The following GRB10 variants were observed in gnomAD, a reference collection of about 807,000 sequenced individuals.
The protein encoded by GRB10 is growth factor receptor bound protein 10.
GRB10 carries 20 observed loss-of-function variants against 80.9 expected under a neutral mutation model. That is an observed-to-expected ratio of 0.25 (90% CI 0.17 to 0.36). The LOEUF is 0.36. Among genes scored for constraint, GRB10 ranks in the 10% least tolerant of loss-of-function variants. GRB10 has a pLI of 1.00. For missense variants in GRB10, 548 were observed against 747.7 expected (o/e 0.73, Z 3.12); for synonymous variants, 291 against 291.5 (o/e 1.00, Z 0.02).
chr7:50,713,283 C>A (rs1210043217), intron 4 of GRB10, among the ~76,000 whole-genome samples: 2 of 152,094 alleles, frequency 1.3e-5, no homozygotes, highest in East Asian at 1.9e-4. Flanking sequence ...TCCTCCTCTG[C>A]GGTCACTACC....
intron 2 of GRB10, among the ~76,000 whole-genome samples, chr7:50,763,840 G>A (rs915456918): frequency 6.6e-6 from 1 of 152,214 alleles, no homozygotes; most frequent in Non-Finnish European, 1.5e-5. Flanking sequence ...CAGCTGCCCT[G>A]TCTCTAAGCA....
At chr7:50,785,735 G>A (rs2078666625), upstream of GRB10, among the ~76,000 whole-genome samples, 1 of 152,244 alleles carries the variant, frequency 6.6e-6, no homozygotes, top group Non-Finnish European at 1.5e-5. Context: ...AGCACAGAAG[G>A]CTTTGCCATA....
chr7:50,604,493 G>A, intron 15 of GRB10, 116 bp from the exon 16 acceptor site: 1 of 864,300 alleles, frequency 1.2e-6, no homozygotes, highest in Non-Finnish European at 2.0e-6. Context: ...GCTCACAAGG[G>A]ACCTTGCCCC....
chr7:50,656,557 C>T (rs546235029), intron 7 of GRB10, among the ~76,000 whole-genome samples: 4 of 152,190 alleles, frequency 2.6e-5, no homozygotes, highest in East Asian at 1.9e-4. Context: ...GAAATAGCCA[C>T]GGAAAAGCCA....
chr7:50,627,575 C>T (rs1764734134), intron 7 of GRB10, among the ~76,000 whole-genome samples: 1 of 152,098 alleles, frequency 6.6e-6, no homozygotes, highest in Admixed American at 6.5e-5. Flanking sequence ...TTCTTTAGCC[C>T]CTAACCCCTA....
intron 5 of GRB10, among the ~76,000 whole-genome samples, chr7:50,678,442 C>T (rs375129972): frequency 5.3e-5 from 8 of 152,294 alleles, no homozygotes; most frequent in Middle Eastern, 3.4e-3. Flanking sequence ...AGAGCCATTA[C>T]AGCAAAAATA....
At chr7:50,647,936 T>C (rs561684363) in intron 7 of GRB10, among the ~76,000 whole-genome samples, 4 of 152,150 alleles carry the variant, frequency 2.6e-5, no homozygotes, top group East Asian at 3.9e-4. Flanking sequence ...GGTATCATGT[T>C]TGGAGGGAAG....
intron 3 of GRB10, among the ~76,000 whole-genome samples, chr7:50,754,064 C>T (rs1020661278): frequency 1.3e-5 from 2 of 152,202 alleles, no homozygotes; most frequent in South Asian, 4.1e-4. Flanking sequence ...AAGGGGCAGA[C>T]GGGTCCAAGG....
Position 50,590,848 on chromosome 7 carries a change from G to C in GRB10, c.*2104C>G, listed in dbSNP as rs984605531. ...TCAAACCAGCTACATACAAAACTGT[G>C]AATCAGAGTCAAGCTTTTGTTCTCC... On this transcript the variant is annotated 3_prime_UTR_variant, in exon 19 of 19. Transcript: ENST00000401949. 10 of 152,214 alleles carry C rather than the reference G, an allele frequency of 6.6e-5. No homozygotes were observed. Among genetic ancestry groups the C allele is most frequent in the African/African-American group, 1.7e-4 (7 of 41,448 alleles). 9.4% of individuals were successfully genotyped at this position (152,214 alleles called of 1,614,324 possible).
intron 4 of GRB10, among the ~76,000 whole-genome samples, chr7:50,722,925 A>G: frequency 6.6e-6 from 1 of 152,044 alleles, no homozygotes; most frequent in South Asian, 2.1e-4. Flanking sequence ...CACCCCTCAT[A>G]CTGCACAAGC....
chr7:50,724,242 T>C (rs1021228735), intron 4 of GRB10, among the ~76,000 whole-genome samples: 4 of 152,226 alleles, frequency 2.6e-5, no homozygotes, highest in Admixed American at 2.6e-4. Context: ...CCAAGACTAG[T>C]GCTTCAGGAG....
At chr7:50,791,624 G>A (rs1276969136) in intron 1 of GRB10, among the ~76,000 whole-genome samples, 2 of 152,226 alleles carry the variant, frequency 1.3e-5, no homozygotes, top group African/African-American at 2.4e-5. Context: ...TGTAAACTGT[G>A]AAATGCTACA....
chr7:50,642,850 A>G (rs2056522154), intron 7 of GRB10, among the ~76,000 whole-genome samples: 1 of 152,226 alleles, frequency 6.6e-6, no homozygotes, highest in Admixed American at 6.5e-5. Flanking sequence ...AATAAGGAAC[A>G]AAAAATAATA....
chr7:50,763,807 T>TG (rs1176825455), intron 2 of GRB10, among the ~76,000 whole-genome samples: 13 of 152,340 alleles, frequency 8.5e-5, no homozygotes, highest in Admixed American at 8.5e-4. Context: ...TCCAGGCCTC[T>TG]GCCCCTCATC....
intron 7 of GRB10, among the ~76,000 whole-genome samples, chr7:50,658,028 G>T (rs1302861265): frequency 6.6e-6 from 1 of 152,248 alleles, no homozygotes; most frequent in Non-Finnish European, 1.5e-5. Context: ...CAGTGGCCTA[G>T]ATGGCCCATC....
At chr7:50,630,330 A>G (rs1387517412) in intron 7 of GRB10, among the ~76,000 whole-genome samples, 1 of 152,140 alleles carries the variant, frequency 6.6e-6, no homozygotes, top group Non-Finnish European at 1.5e-5. Context: ...TGAGCTATCC[A>G]GCCTCTCTGT....
intron 3 of GRB10, among the ~76,000 whole-genome samples, chr7:50,752,923 C>G (rs891284963): frequency 6.6e-6 from 1 of 152,204 alleles, no homozygotes; most frequent in African/African-American, 2.4e-5. Flanking sequence ...CTGAGGGAAA[C>G]GCTCAGAGGT....
chr7:50,770,439 C>T (rs59447685), intron 2 of GRB10, among the ~76,000 whole-genome samples: 8,293 of 152,194 alleles, frequency 0.054, 753 homozygotes, highest in African/African-American at 0.19. Flanking sequence ...GGTGTTGCAG[C>T]CCCTGGCCTC....
intron 5 of GRB10, among the ~76,000 whole-genome samples, chr7:50,676,500 T>C (rs1434803197): frequency 1.3e-5 from 2 of 152,112 alleles, no homozygotes; most frequent in East Asian, 1.9e-4. Flanking sequence ...GCTGAGGAAA[T>C]AGGCCTGGAA....
Sources: gnomAD v4.1 joint callset for allele counts (sites outside exome capture counted in the v4.1 genomes callset) on GRCh38, gnomAD v4.1.1 for gene constraint, MANE v1.5 for transcripts, NCBI Gene and HGNC (gene_info 2026-07-23, HGNC 2026-07-21) for gene names.